Variants in OPRM1 observed in about 807,000 individuals in gnomAD.
The protein encoded by OPRM1 is opioid receptor mu 1.
A neutral mutation model predicts 31.8 loss-of-function variants in OPRM1; 27 were observed. That is an observed-to-expected ratio of 0.85 (90% CI 0.63 to 1.17). The LOEUF (loss-of-function observed/expected upper bound fraction) is 1.17. Ranked by LOEUF, OPRM1 falls within the 50% of genes most tolerant of loss-of-function variation. OPRM1 has a pLI of 0.00. For synonymous variants in OPRM1, 196 were observed against 189.9 expected (o/e 1.03, Z -0.26); for missense variants, 536 against 511.1 (o/e 1.05, Z -0.47).
In OPRM1 at chr6:154,160,071, T is replaced by A. The variant is rs1373079159; in HGVS notation, c.1164+68599T>A. ...TGAGTAGAAAAAAAGGGGAAGGGGG[T>A]ATGTTGAGAGTGTCTTAATTTACAT... is the stretch of plus-strand genomic sequence containing the variant. On this transcript the variant is annotated intron_variant, in intron 3 of 3. Transcript: ENST00000337049. 1.0e-5 allele frequency: 16 copies of A among 1,526,020 alleles called. No homozygotes were observed. In the African/African-American group the frequency reaches 2.2e-4, roughly 21 times the overall value. 94.5% of individuals were successfully genotyped at this position (1,526,020 alleles called of 1,614,324 possible).
chr6:154,213,165 G>C, intron 3 of OPRM1: 1 of 304,036 alleles, frequency 3.3e-6, no homozygotes, highest in South Asian at 4.6e-5. Context: ...CACAAAATCA[G>C]TGGTGATTAA....
At chr6:154,039,146 A>G (rs375944890), upstream of OPRM1, 83 of 1,549,544 alleles carry the variant, frequency 5.4e-5, 1 homozygote, top group Non-Finnish European at 6.2e-5. Flanking sequence ...CCTTCTCTCC[A>G]TCTCCCTCCT....
chr6:154,177,225 T>A (rs1414856734), intron 3 of OPRM1, among the ~76,000 whole-genome samples: 2 of 152,170 alleles, frequency 1.3e-5, no homozygotes, highest in Non-Finnish European at 2.9e-5. Context: ...GACATAGGCA[T>A]GGGCAAAGAC....
chr6:154,040,970 GT>G (rs3836997), intron 1 of OPRM1, among the ~76,000 whole-genome samples: 9,679 of 146,016 alleles, frequency 0.066, 438 homozygotes, highest in African/African-American at 0.12. Context: ...TAATTCGAGG[GT>G]TTTTTTTTTT....
chr6:154,225,972 T>C (rs1276532828), intron 3 of OPRM1, among the ~76,000 whole-genome samples: 1 of 152,228 alleles, frequency 6.6e-6, no homozygotes, highest in Non-Finnish European at 1.5e-5. Flanking sequence ...ACGCTGTAGC[T>C]GCTCCCTCCC....
intron 1 of OPRM1, among the ~76,000 whole-genome samples, chr6:154,040,346 T>A (rs1779804841): frequency 6.6e-6 from 1 of 152,118 alleles, no homozygotes; most frequent in African/African-American, 2.4e-5. Context: ...ACTTTCCTAC[T>A]CCTGCTGGTT....
intron 1 of OPRM1, among the ~76,000 whole-genome samples, chr6:154,078,943 T>G (rs1259007522): frequency 6.6e-6 from 1 of 152,086 alleles, no homozygotes; most frequent in African/African-American, 2.4e-5. Context: ...GGCCATAGAT[T>G]AGAAAATAAA....
chr6:154,118,832 C>T lies in OPRM1; in HGVS notation c.*111C>T. 1 of 1,536,778 alleles carries T rather than the reference C, an allele frequency of 6.5e-7. No homozygotes were observed. The highest frequency in any genetic ancestry group is 1.3e-5 in the South Asian group (1 of 79,578). ...CTCTAATTCTCTAGGAAAGTGCCTG[C>T]TTTTAGGTCATCCAACCTCTTTCCT... On this transcript the variant is annotated 3_prime_UTR_variant, in exon 4 of 4. Transcript: ENST00000330432.
chr6:154,028,580 G>A (rs1269164072), intron 1 of OPRM1, among the ~76,000 whole-genome samples: 1 of 152,226 alleles, frequency 6.6e-6, no homozygotes, highest in South Asian at 2.1e-4. Context: ...TTTATTTAAG[G>A]CCCCAGCGCC....
At chr6:154,176,318 G>A (rs1800324830) in intron 3 of OPRM1, among the ~76,000 whole-genome samples, 1 of 152,174 alleles carries the variant, frequency 6.6e-6, no homozygotes, top group African/African-American at 2.4e-5. Flanking sequence ...GGAAGTTCTG[G>A]CCAAAGCAAT....
At chr6:154,182,651 G>A (rs980819020) in intron 3 of OPRM1, among the ~76,000 whole-genome samples, 1 of 152,034 alleles carries the variant, frequency 6.6e-6, no homozygotes, top group African/African-American at 2.4e-5. Context: ...CTTAAAATAC[G>A]TTTATGAGGT....
intron 3 of OPRM1, among the ~76,000 whole-genome samples, chr6:154,207,237 G>A (rs1777576456): frequency 6.6e-6 from 1 of 152,224 alleles, no homozygotes. Flanking sequence ...ATGAAGATGA[G>A]CTGTTAAAGC....
At chr6:154,132,922 C>A (rs1675415927), downstream of OPRM1, among the ~76,000 whole-genome samples, 1 of 152,022 alleles carries the variant, frequency 6.6e-6, no homozygotes, top group South Asian at 2.1e-4. Flanking sequence ...GAGATCGAGA[C>A]CATCCTGGCT....
chr6:154,118,622 C>A (rs1047852806), intron 3 of OPRM1, 61 bp from the exon 4 acceptor site: 2 of 1,538,100 alleles, frequency 1.3e-6, no homozygotes, highest in African/African-American at 1.4e-5. Context: ...AGATGCTCAA[C>A]AAATGTGTGT....
At chr6:154,158,992 T>C (rs1185452396) in intron 3 of OPRM1, 1 of 152,182 alleles carries the variant, frequency 6.6e-6, no homozygotes, top group Non-Finnish European at 1.5e-5. Flanking sequence ...GAAACCTGGA[T>C]ATAAATTCAC....
chr6:154,215,917 A>G (rs1414207527), intron 3 of OPRM1, among the ~76,000 whole-genome samples: 1 of 152,242 alleles, frequency 6.6e-6, no homozygotes, highest in Non-Finnish European at 1.5e-5. Flanking sequence ...ACACTCAAAC[A>G]CAGGAAAATA....
downstream of OPRM1, among the ~76,000 whole-genome samples, chr6:154,133,354 A>T (rs571400041): frequency 6.6e-6 from 1 of 152,300 alleles, no homozygotes; most frequent in African/African-American, 2.4e-5. Context: ...CCTAACGATT[A>T]AAGTCCGATC....
At chr6:154,042,914 T>C (rs1044055269) in intron 1 of OPRM1, among the ~76,000 whole-genome samples, 1 of 152,208 alleles carries the variant, frequency 6.6e-6, no homozygotes, top group African/African-American at 2.4e-5. Context: ...TAGTATTTCA[T>C]TGTCAAGAAC....
At chr6:154,106,481 G>GT (rs532911255) in intron 3 of OPRM1, among the ~76,000 whole-genome samples, 311 of 152,296 alleles carry the variant, frequency 2.0e-3, no homozygotes, top group Non-Finnish European at 2.9e-3. Context: ...AAGTTGTACG[G>GT]TAAGAGTCAT....
Sources: allele counts gnomAD v4.1 joint callset (sites outside exome capture counted in the v4.1 genomes callset), GRCh38; gene constraint gnomAD v4.1.1; transcripts MANE v1.5; gene names NCBI Gene and HGNC (gene_info 2026-07-23, HGNC 2026-07-21).